Variants in PTPRN2 observed in about 807,000 individuals in gnomAD.
PTPRN2 encodes the protein protein tyrosine phosphatase receptor type N2, also known as receptor-type tyrosine-protein phosphatase N2.
Under a neutral mutation model 118.8 loss-of-function variants are expected in PTPRN2, and 74 were observed. The ratio of observed to expected loss-of-function variants is 0.62; its 90% confidence interval spans 0.52 to 0.76. The LOEUF (loss-of-function observed/expected upper bound fraction) is 0.76. Among genes scored for constraint, PTPRN2 ranks in the 30% least tolerant of loss-of-function variants. PTPRN2 has a pLI of 0.00. For synonymous variants in PTPRN2, 641 were observed against 608.0 expected, an observed-to-expected ratio of 1.05 and a Z score of -0.80; for missense variants, 1,481 against 1,394.4, an observed-to-expected ratio of 1.06 and a Z score of -0.99.
At chr7:158,557,545 C>T (rs979472465) in intron 1 of PTPRN2, among the ~76,000 whole-genome samples, 2 of 152,382 alleles carry the variant, frequency 1.3e-5, no homozygotes, top group African/African-American at 2.4e-5. Context: ...GCCGCCGCTC[C>T]GCTCAACCCG....
intron 12 of PTPRN2, among the ~76,000 whole-genome samples, chr7:157,873,918 C>T (rs1314214225): frequency 2.6e-5 from 4 of 152,104 alleles, no homozygotes; most frequent in Admixed American, 6.5e-5. Flanking sequence ...GCAGGAGGGC[C>T]GTCCGGGGAA....
chr7:158,452,119 A>G (rs964293583), intron 2 of PTPRN2, among the ~76,000 whole-genome samples: 9 of 152,144 alleles, frequency 5.9e-5, no homozygotes, highest in African/African-American at 2.2e-4. Flanking sequence ...TTTCCCTTCA[A>G]TCTGCCCGTC....
intron 17 of PTPRN2, among the ~76,000 whole-genome samples, chr7:157,588,412 T>C (rs1347561602): frequency 6.6e-6 from 1 of 152,158 alleles, no homozygotes; most frequent in Non-Finnish European, 1.5e-5. Context: ...TCCCCGGCAG[T>C]CCTAATCTTA....
intron 3 of PTPRN2, among the ~76,000 whole-genome samples, chr7:158,235,424 T>C (rs1173808210): frequency 2.0e-5 from 3 of 152,112 alleles, no homozygotes; most frequent in Non-Finnish European, 4.4e-5. Flanking sequence ...TAAAAAAGGG[T>C]GCAAGCCTGT....
At chr7:158,269,748 A>AGG (rs1345110041) in intron 3 of PTPRN2, among the ~76,000 whole-genome samples, 5 of 110,426 alleles carry the variant, frequency 4.5e-5, no homozygotes, top group African/African-American at 1.7e-4. Context: ...ACAGAGACAG[A>AGG]GAGAGACAGA....
chr7:158,158,281 T>C (rs1366561238), intron 6 of PTPRN2, among the ~76,000 whole-genome samples: 2 of 152,230 alleles, frequency 1.3e-5, no homozygotes, highest in African/African-American at 2.4e-5. Flanking sequence ...CCGTGAAAAG[T>C]CAAAGCTTTG....
In PTPRN2 at chr7:158,111,184, G is replaced by GGGGAGAA. The variant is rs368579162; in HGVS notation, c.1557-276_1557-270dup. Among the ~76,000 whole-genome samples the GGGGAGAA allele has an allele frequency of 2.6e-3, 389 of 152,356 alleles. 2 individuals carry two copies. The highest frequency in any genetic ancestry group is 8.9e-3 in the African/African-American group (370 of 41,590). ...CAGCCTTCAGTGAAAATACAATAAAGGGGAGAAGGGAGAAGGGACAGGCAG... is the reference window on the plus strand; with the variant it reads ...CAGCCTTCAGTGAAAATACAATAAAGGGGAGAAGGGAGAAGGGAGAAGGGACAGGCAG... On this transcript the variant is annotated intron_variant, in intron 9 of 22. Transcript: ENST00000389418.
intron 1 of PTPRN2, among the ~76,000 whole-genome samples, chr7:158,535,703 A>G (rs1256776860): frequency 6.6e-6 from 1 of 151,980 alleles, no homozygotes; most frequent in Non-Finnish European, 1.5e-5. Flanking sequence ...TGTGTACACA[A>G]CACAAAGCAG....
intron 11 of PTPRN2, among the ~76,000 whole-genome samples, chr7:158,070,946 G>T (rs1469847667): frequency 7.7e-6 from 1 of 130,670 alleles, no homozygotes; most frequent in South Asian, 2.6e-4. Flanking sequence ...TGGTGGAGGT[G>T]CCCGTGGTGG....
chr7:158,146,443 T>G (rs1002263757), intron 6 of PTPRN2, among the ~76,000 whole-genome samples: 2 of 152,062 alleles, frequency 1.3e-5, no homozygotes, highest in African/African-American at 2.4e-5. Context: ...AATAATAGGC[T>G]GGGCTTGGTG....
At chr7:158,146,689 C>A (rs1484661634) in intron 6 of PTPRN2, among the ~76,000 whole-genome samples, 4 of 147,808 alleles carry the variant, frequency 2.7e-5, no homozygotes, top group Admixed American at 6.7e-5. Context: ...CCACTGCACT[C>A]CAGCCTGGGC....
intron 12 of PTPRN2, among the ~76,000 whole-genome samples, chr7:157,746,936 G>C (rs955020931): frequency 6.6e-6 from 1 of 151,602 alleles, no homozygotes; most frequent in African/African-American, 2.4e-5. Context: ...TGAGCTCTGG[G>C]CTGTCCGGGT....
At chr7:158,145,699 C>T (rs966956597) in intron 6 of PTPRN2, among the ~76,000 whole-genome samples, 1 of 152,222 alleles carries the variant, frequency 6.6e-6, no homozygotes, top group Non-Finnish European at 1.5e-5. Context: ...CTTTCTCAGG[C>T]CTGATTATTC....
chr7:157,689,942 G>GA (rs1563348458), intron 12 of PTPRN2, among the ~76,000 whole-genome samples: 2 of 152,210 alleles, frequency 1.3e-5, no homozygotes, highest in Non-Finnish European at 2.9e-5. Context: ...GGGCTGAGAG[G>GA]AAAATGCGCC....
intron 11 of PTPRN2, among the ~76,000 whole-genome samples, chr7:158,043,296 A>G (rs79351702): frequency 0.012 from 1,878 of 151,792 alleles, 57 homozygotes; most frequent in African/African-American, 0.043. Flanking sequence ...CCATGGACAG[A>G]AAAAAGTGTC....
chr7:158,440,873 TG>T (rs1816985084), intron 2 of PTPRN2, among the ~76,000 whole-genome samples: 1 of 140,156 alleles, frequency 7.1e-6, no homozygotes, highest in Admixed American at 6.9e-5. Context: ...GCAGTGGTAT[TG>T]GTGGTGGTGG....
intron 11 of PTPRN2, among the ~76,000 whole-genome samples, chr7:157,965,951 C>T (rs1801893294): frequency 6.6e-6 from 1 of 152,220 alleles, no homozygotes; most frequent in Non-Finnish European, 1.5e-5. Flanking sequence ...TTGACCAGCA[C>T]CGTGGAATCA....
intron 3 of PTPRN2, among the ~76,000 whole-genome samples, chr7:158,288,784 A>G (rs1054036994): frequency 7.9e-5 from 12 of 152,112 alleles, no homozygotes; most frequent in African/African-American, 2.9e-4. Flanking sequence ...ATACTTTTGT[A>G]TGTTTTCATG....
rs897916882 is a variant in PTPRN2 at position 158,040,840 on chromosome 7, C to T, written c.1723+40458G>A. On this transcript the variant is annotated intron_variant, in intron 11 of 22. Transcript: ENST00000389418. ...CTCTGCCTCCCAGGTTCAAGTGATT[C>T]TCCTGCCTCAGCCTCCCGAGTAGCT... is the stretch of plus-strand genomic sequence containing the variant. 4.0e-5 allele frequency among the ~76,000 whole-genome samples: 6 copies of T among 149,942 alleles called. No individual in the cohort carries two copies. In the South Asian group the frequency reaches 1.3e-3, roughly 31 times the overall value.
Sources: allele counts gnomAD v4.1 joint callset (sites outside exome capture counted in the v4.1 genomes callset), GRCh38; gene constraint gnomAD v4.1.1; transcripts MANE v1.5; gene names NCBI Gene and HGNC (gene_info 2026-07-23, HGNC 2026-07-21).